MARCHF5: variants seen among roughly 807,000 people sequenced by gnomAD.
MARCHF5 encodes membrane associated ring-CH-type finger 5.
Under a neutral mutation model 36.5 loss-of-function variants are expected in MARCHF5, and 5 were observed. The ratio of observed to expected loss-of-function variants is 0.14; its 90% confidence interval spans 0.07 to 0.29. MARCHF5 has a LOEUF of 0.29. Among genes scored for constraint, MARCHF5 ranks in the 10% least tolerant of loss-of-function variants. MARCHF5 has a pLI of 1.00. For missense variants in MARCHF5, 179 were observed against 336.3 expected (o/e 0.53, Z 3.66); for synonymous variants, 103 against 109.9 (o/e 0.94, Z 0.39).
intron 2 of MARCHF5, among the ~76,000 whole-genome samples, chr10:92,338,222 T>C (rs1285826715): frequency 6.6e-6 from 1 of 151,964 alleles, no homozygotes; most frequent in Non-Finnish European, 1.5e-5. Context: ...CATACGAAGG[T>C]TGAAGTGCTG....
intron 1 of MARCHF5, among the ~76,000 whole-genome samples, chr10:92,300,245 C>T (rs148016137): frequency 1.3e-5 from 2 of 151,196 alleles, no homozygotes; most frequent in Admixed American, 1.3e-4. Context: ...TTTGGGAGGC[C>T]GAGAGGAGCA....
At chr10:92,347,975 G>C (rs1453858944) in intron 3 of MARCHF5, among the ~76,000 whole-genome samples, 1 of 152,004 alleles carries the variant, frequency 6.6e-6, no homozygotes, top group Non-Finnish European at 1.5e-5. Flanking sequence ...CTGAGGTCAG[G>C]AGTTCGAGAT....
At chr10:92,334,236 A>G (rs1172823493) in intron 2 of MARCHF5, among the ~76,000 whole-genome samples, 1 of 152,222 alleles carries the variant, frequency 6.6e-6, no homozygotes, top group Non-Finnish European at 1.5e-5. Context: ...AATCAGTTCA[A>G]TGCAAAGCAA....
At chr10:92,341,206 C>T (rs1169141247) in intron 3 of MARCHF5, among the ~76,000 whole-genome samples, 1 of 152,060 alleles carries the variant, frequency 6.6e-6, no homozygotes, top group Non-Finnish European at 1.5e-5. Context: ...AGTTCGAGAC[C>T]AGCCTGGCAA....
chr10:92,332,255 A>G (rs78020323), intron 2 of MARCHF5, among the ~76,000 whole-genome samples: 1,583 of 152,000 alleles, frequency 0.01, 43 homozygotes, highest in African/African-American at 0.036. Context: ...GTCCAAGAAC[A>G]TATCCCTTCT....
chr10:92,340,752 C>T lies in MARCHF5; in HGVS notation c.318C>T (p.Val106=), dbSNP rs1238959233. The T allele has an allele frequency of 5.0e-6, 8 of 1,613,552 alleles. No individual in the cohort carries two copies. Among genetic ancestry groups the T allele is most frequent in the African/African-American group, 4.0e-5 (3 of 74,992 alleles). The change falls in exon 3 of 6, where the codon GTC becomes GTT. Residue 106 remains valine (V), a synonymous_variant. Coordinates refer to ENST00000358935, the MANE Select transcript of MARCHF5 (RefSeq NM_017824.5). ...ACPFAAAGIM[V]GSIYWTAVTY... The stretch of plus-strand genomic sequence containing the variant: ...CATTTGCTGCAGCAGGAATAATGGT[C>T]GGCTCTATCTATTGGACAGCTGTGA...
intron 2 of MARCHF5, among the ~76,000 whole-genome samples, chr10:92,339,019 TG>T (rs1843538607): frequency 6.7e-6 from 1 of 148,744 alleles, no homozygotes; most frequent in African/African-American, 2.5e-5. Context: ...CACTCCAGCC[TG>T]GGCAACAAAG....
chr10:92,346,611 C>T (rs1843647647), intron 3 of MARCHF5, among the ~76,000 whole-genome samples: 1 of 149,810 alleles, frequency 6.7e-6, no homozygotes, highest in Non-Finnish European at 1.5e-5. Flanking sequence ...GCTTCAGCCT[C>T]CCGAGTAGTT....
chr10:92,306,222 A>G (rs1189465119), intron 1 of MARCHF5, among the ~76,000 whole-genome samples: 4 of 152,150 alleles, frequency 2.6e-5, no homozygotes, highest in Non-Finnish European at 4.4e-5. Context: ...ATAGCCTCAC[A>G]TTCTCTGCTT....
chr10:92,348,060 G>T (rs1386536612), intron 3 of MARCHF5, among the ~76,000 whole-genome samples: 1 of 151,938 alleles, frequency 6.6e-6, no homozygotes, highest in African/African-American at 2.4e-5. Context: ...GTGCACACCT[G>T]TAATCCCAGC....
intron 2 of MARCHF5, among the ~76,000 whole-genome samples, chr10:92,319,391 G>A (rs1015527009): frequency 6.6e-6 from 1 of 151,336 alleles, no homozygotes; most frequent in African/African-American, 2.4e-5. Flanking sequence ...CGCCTCCCGG[G>A]TTCACGCCAT....
intron 2 of MARCHF5, among the ~76,000 whole-genome samples, chr10:92,338,946 G>C (rs887311422): frequency 2.6e-5 from 4 of 152,004 alleles, no homozygotes; most frequent in African/African-American, 9.7e-5. Context: ...TCGGGAGGCT[G>C]AGGCAGGAGA....
In MARCHF5 at chr10:92,313,604, T is replaced by TA. The variant is rs372706890; in HGVS notation, c.238+2278dup. Among the ~76,000 whole-genome samples, 413 of 143,154 alleles carry TA rather than the reference T, an allele frequency of 2.9e-3. 2 individuals carry two copies. The highest frequency in any genetic ancestry group is 7.5e-3 in the Middle Eastern group (2 of 266). The allele number at this position is 143,154 out of a possible 152,430, so 93.9% of individuals were successfully genotyped here. A position where few individuals can be genotyped will look rare whatever the true frequency, so the allele number is the denominator to read the frequency against. On this transcript the variant is annotated intron_variant, in intron 2 of 5. Coordinates refer to ENST00000358935, the MANE Select transcript of MARCHF5 (RefSeq NM_017824.5). ...TGGGAGATAGAGCGAGACGCCGTGC[T>TA]AAAAAAAAAAATTGTGGCGGGTCAC...
At chr10:92,301,097 G>A (rs11186910) in intron 1 of MARCHF5, among the ~76,000 whole-genome samples, 50,951 of 151,792 alleles carry the variant, frequency 0.34, 10,738 homozygotes, top group Middle Eastern at 0.52. Context: ...GTTTTGGCCA[G>A]GCTGGCCTTG....
intron 2 of MARCHF5, among the ~76,000 whole-genome samples, chr10:92,331,187 G>A (rs192123127): frequency 3.3e-5 from 5 of 152,232 alleles, no homozygotes; most frequent in Non-Finnish European, 7.4e-5. Flanking sequence ...GTTTTTATGT[G>A]TTAATAAAGG....
At chr10:92,295,379 A>C (rs898611777) in intron 1 of MARCHF5, among the ~76,000 whole-genome samples, 5 of 121,068 alleles carry the variant, frequency 4.1e-5, no homozygotes, top group Non-Finnish European at 8.4e-5. Flanking sequence ...CCAACTGGTG[A>C]CAACTTCTTT....
chr10:92,345,314 C>T (rs1843628778), intron 3 of MARCHF5, among the ~76,000 whole-genome samples: 2 of 152,040 alleles, frequency 1.3e-5, no homozygotes, highest in African/African-American at 4.8e-5. Context: ...AGTTGGAGAC[C>T]AGCCTGGTCA....
At chr10:92,327,041 C>G (rs1843369721) in intron 2 of MARCHF5, among the ~76,000 whole-genome samples, 1 of 152,078 alleles carries the variant, frequency 6.6e-6, no homozygotes, top group Non-Finnish European at 1.5e-5. Flanking sequence ...TCCTCTCCCT[C>G]TCTCCCTACA....
At chr10:92,306,111 G>C (rs770096629) in intron 1 of MARCHF5, among the ~76,000 whole-genome samples, 5 of 152,150 alleles carry the variant, frequency 3.3e-5, no homozygotes, top group Admixed American at 6.5e-5. Flanking sequence ...TTTAGCTTTA[G>C]GCACAGCACA....
Sources: gnomAD v4.1 joint callset for allele counts (sites outside exome capture counted in the v4.1 genomes callset) on GRCh38, gnomAD v4.1.1 for gene constraint, MANE v1.5 for transcripts, NCBI Gene and HGNC (gene_info 2026-07-23, HGNC 2026-07-21) for gene names.